The following BLTP1 variants were observed in gnomAD, a reference collection of about 807,000 sequenced individuals.
The protein encoded by BLTP1 is fragile site-associated protein.
At chr4:122,208,415 TA>T in the BLTP1 span, 1 of 985,136 alleles carries the variant, frequency 1.0e-6, no homozygotes, top group Non-Finnish European at 1.2e-6. Context: ...ATAGAAGTCC[TA>T]TTAGGAAAAA....
chr4:122,327,601 A>C, the BLTP1 span, among the ~76,000 whole-genome samples: 52 of 151,708 alleles, frequency 3.4e-4, no homozygotes, highest in African/African-American at 1.2e-3. Flanking sequence ...TGTGGGGCTC[A>C]TTTTTAAAAG....
chr4:122,222,047 G>A, the BLTP1 span: 1 of 270,686 alleles, frequency 3.7e-6, no homozygotes, highest in Non-Finnish European at 5.7e-6. Context: ...TAGAGAAGGA[G>A]TTCATGGAGT....
chr4:122,292,983 ACT>A, the BLTP1 span: 9 of 717,494 alleles, frequency 1.3e-5, no homozygotes, highest in Non-Finnish European at 1.5e-5. Context: ...GATGTTTTTT[ACT>A]TAGTCTAGTC....
the BLTP1 span, chr4:122,240,367 C>A: frequency 1.3e-6 from 2 of 1,585,052 alleles, no homozygotes; most frequent in Non-Finnish European, 1.7e-6. Flanking sequence ...TAAACCAAAT[C>A]ATTAGTTTCC....
chr4:122,249,056 T>C, the BLTP1 span: 2 of 963,246 alleles, frequency 2.1e-6, no homozygotes, highest in Non-Finnish European at 2.5e-6. Context: ...TGTAGTTATG[T>C]AAAATATGTC....
the BLTP1 span, chr4:122,308,192 A>G: frequency 6.2e-7 from 1 of 1,607,556 alleles, no homozygotes. Flanking sequence ...TCCAGGATTA[A>G]GAGCCAGGCA....
At chr4:122,217,999 C>T in the BLTP1 span, among the ~76,000 whole-genome samples, 1 of 152,016 alleles carries the variant, frequency 6.6e-6, no homozygotes, top group Non-Finnish European at 1.5e-5. Context: ...GTTTGTTCAC[C>T]TAAAGGTGTT....
the BLTP1 span, chr4:122,153,934 T>A: frequency 1.1e-6 from 1 of 909,814 alleles, no homozygotes; most frequent in Non-Finnish European, 1.3e-6. Flanking sequence ...TTGTGCATGA[T>A]TAAGTAACGA....
the BLTP1 span, among the ~76,000 whole-genome samples, chr4:122,321,498 C>T: frequency 8.7e-6 from 1 of 115,112 alleles, no homozygotes; most frequent in Non-Finnish European, 1.8e-5. Flanking sequence ...TATAGTCATA[C>T]ATTATTGGTA....
chr4:122,262,830 G>A, the BLTP1 span: 1 of 1,613,750 alleles, frequency 6.2e-7, no homozygotes, highest in Admixed American at 1.7e-5. Context: ...TCCAGTGCAT[G>A]TTGGACGTGC....
At chr4:122,287,583 A>G in the BLTP1 span, 1 of 985,242 alleles carries the variant, frequency 1.0e-6, no homozygotes, top group South Asian at 4.7e-5. Context: ...TTGCAACTTT[A>G]TGAAAAAGCA....
the BLTP1 span, among the ~76,000 whole-genome samples, chr4:122,242,098 A>G: frequency 4.0e-4 from 61 of 152,160 alleles, 1 homozygote; most frequent in East Asian, 1.9e-4. Flanking sequence ...ATAGAATTCC[A>G]TATGATCCAG....
chr4:122,272,474 C>A, the BLTP1 span: 1 of 1,298,386 alleles, frequency 7.7e-7, no homozygotes, highest in African/African-American at 1.5e-5. Context: ...TGAAGAAAAC[C>A]ACTGCCATGT....
the BLTP1 span, chr4:122,250,567 T>G: frequency 6.2e-7 from 1 of 1,613,412 alleles, no homozygotes; most frequent in Non-Finnish European, 8.5e-7. Flanking sequence ...CTGTTTCAGA[T>G]GAACAGGTTA....
At chr4:122,352,349 G>GTT in the BLTP1 span, among the ~76,000 whole-genome samples, 1 of 138,968 alleles carries the variant, frequency 7.2e-6, no homozygotes, top group African/African-American at 2.7e-5. Context: ...TTAGGTTTTG[G>GTT]TTTTTCTTTT....
At chr4:122,356,486 C>A in the BLTP1 span, 1 of 880,988 alleles carries the variant, frequency 1.1e-6, no homozygotes, top group Non-Finnish European at 1.7e-6. Flanking sequence ...CTATCATCAT[C>A]CTGTAAATCA....
chr4:122,264,307 G>T, the BLTP1 span: 1 of 1,610,506 alleles, frequency 6.2e-7, no homozygotes, highest in Non-Finnish European at 8.5e-7. Flanking sequence ...ACACTGTCTT[G>T]TCTAGTGACC....
chr4:122,331,538 G>A, the BLTP1 span: 1 of 1,609,762 alleles, frequency 6.2e-7, no homozygotes, highest in Non-Finnish European at 8.5e-7. Context: ...ATAAGTTTGA[G>A]AAGGTAAGAA....
the BLTP1 span, among the ~76,000 whole-genome samples, chr4:122,284,875 G>A: frequency 1.3e-5 from 2 of 152,154 alleles, no homozygotes; most frequent in South Asian, 4.1e-4. Flanking sequence ...GCATCCACTG[G>A]GGATCTTAGA....
Sources: gnomAD v4.1 joint callset for allele counts (sites outside exome capture counted in the v4.1 genomes callset) on GRCh38, gnomAD v4.1.1 for gene constraint, MANE v1.5 for transcripts, NCBI Gene and HGNC (gene_info 2026-07-23, HGNC 2026-07-21) for gene names.